The following IL19 variants were observed in gnomAD, a reference collection of about 807,000 sequenced individuals.
IL19 encodes the protein interleukin-19.
In IL19, 15 loss-of-function variants were observed where a neutral mutation model predicts 19.5. The ratio of observed to expected loss-of-function variants is 0.77; its 90% CI spans 0.52 to 1.19. The LOEUF (loss-of-function observed/expected upper bound fraction) is 1.19. Among genes scored for constraint, IL19 ranks in the 50% most tolerant of loss-of-function variants. The probability of loss-of-function intolerance (pLI) is 0.00; values close to 1 mark genes in which losing one functional copy is unlikely to be tolerated. For synonymous variants in IL19, 78 were observed against 78.3 expected (o/e 1.00, Z 0.02); for missense variants, 199 against 213.1 (o/e 0.93, Z 0.41).
At chr1:206,837,171 T>C (rs1676825474) in intron 4 of IL19, 148 bp downstream of exon 4, 7 of 655,026 alleles carry the variant, frequency 1.1e-5, no homozygotes. Flanking sequence ...AGATGATGTG[T>C]TAGGGCACGC....
chr1:206,799,776 G>A (rs1021020848), intron 2 of IL19, among the ~76,000 whole-genome samples: 4 of 152,184 alleles, frequency 2.6e-5, no homozygotes, highest in Non-Finnish European at 5.9e-5. Flanking sequence ...AGGTCAGGGT[G>A]GAAAACATCA....
chr1:206,840,075 C>CT (rs1676952384), intron 5 of IL19, 73 bp downstream of exon 5: 2 of 1,516,266 alleles, frequency 1.3e-6, no homozygotes, highest in Non-Finnish European at 1.8e-6. Flanking sequence ...TGCTGGCCCC[C>CT]ATCGGCCTCC....
chr1:206,780,046 C>T (rs1038626141), intron 1 of IL19, among the ~76,000 whole-genome samples: 3 of 145,458 alleles, frequency 2.1e-5, no homozygotes, highest in Admixed American at 6.7e-5. Flanking sequence ...TCCCTTCCTG[C>T]TCTCCTCCTG....
chr1:206,822,528 C>T (rs189038735), intron 2 of IL19, among the ~76,000 whole-genome samples: 41 of 152,294 alleles, frequency 2.7e-4, no homozygotes, highest in African/African-American at 6.3e-4. Flanking sequence ...CTTACAAGCT[C>T]GACAACCTTG....
At chr1:206,791,301 G>GTTTTTT (rs11297961) in intron 1 of IL19, among the ~76,000 whole-genome samples, 1 of 131,742 alleles carries the variant, frequency 7.6e-6, no homozygotes, top group African/African-American at 2.8e-5. Context: ...AGGTCCTTAG[G>GTTTTTT]TTTTTTTTTT....
intron 1 of IL19, among the ~76,000 whole-genome samples, chr1:206,789,697 T>A (rs1675348590): frequency 6.6e-6 from 1 of 152,150 alleles, no homozygotes; most frequent in African/African-American, 2.4e-5. Context: ...TTAAGCCTAG[T>A]ACCCATTAAT....
intron 2 of IL19, among the ~76,000 whole-genome samples, chr1:206,835,245 G>A (rs982340396): frequency 6.6e-6 from 1 of 152,202 alleles, no homozygotes; most frequent in Non-Finnish European, 1.5e-5. Context: ...AAGCACCCCA[G>A]TAGCGTTCTG....
chr1:206,783,486 T>A (rs538239678), intron 1 of IL19, among the ~76,000 whole-genome samples: 2 of 152,316 alleles, frequency 1.3e-5, no homozygotes, highest in South Asian at 4.1e-4. Context: ...AACCTTGAAT[T>A]CAGGTGCCTC....
chr1:206,806,778 C>T (rs12085203), intron 2 of IL19, among the ~76,000 whole-genome samples: 42,745 of 151,748 alleles, frequency 0.28, 6,693 homozygotes, highest in East Asian at 0.67. Context: ...ATATTTTATC[C>T]GGACCACTGT....
At chr1:206,819,580 TAA>T (rs35953153) in intron 2 of IL19, among the ~76,000 whole-genome samples, 3 of 145,250 alleles carry the variant, frequency 2.1e-5, no homozygotes, top group Non-Finnish European at 4.5e-5. Context: ...AGACTCCGTC[TAA>T]AAAAAAAAAA....
intron 1 of IL19, among the ~76,000 whole-genome samples, chr1:206,771,936 C>T (rs1674857669): frequency 6.6e-6 from 1 of 152,188 alleles, no homozygotes. Context: ...TGCTGCAAGG[C>T]ATGGGGAGCA....
Position 206,839,954 on chromosome 1 carries a change from C to A in IL19, c.315C>A (p.Ser105Arg). Residue 105 changes from serine to arginine, a missense_variant, in exon 5 of 7, where the codon AGC becomes AGA. Ser to Arg is a moderately radical substitution (Grantham distance 110). Coordinates refer to ENST00000659997, the MANE Select transcript of IL19 (RefSeq NM_153758.5). ...ACCCCAAAATCTTGAGAAAAATCAG[C>A]AGCATTGCCAACTCTTTCCTCTACA... is the stretch of plus-strand genomic sequence containing the variant. The part of the protein sequence containing the change: ...EPNPKILRKI[S>R]SIANSFLYMQ... 1 of 1,614,178 alleles carries A rather than the reference C, an allele frequency of 6.2e-7. No individual in the cohort carries two copies. The highest frequency in any genetic ancestry group is 8.5e-7 in the Non-Finnish European group (1 of 1,180,016).
chr1:206,807,231 G>A (rs1477561064), intron 2 of IL19, among the ~76,000 whole-genome samples: 1 of 152,226 alleles, frequency 6.6e-6, no homozygotes. Flanking sequence ...ATGACATGTG[G>A]GAATTATGGG....
In IL19 at chr1:206,822,933, CT is replaced by C. The variant is rs1051805832; in HGVS notation, c.-2-13718del. 7.5e-3 allele frequency among the ~76,000 whole-genome samples: 1,109 copies of C among 147,776 alleles called. 10 individuals are homozygous for C. The highest frequency in any genetic ancestry group is 0.017 in the Middle Eastern group (5 of 288). ...CTGCATGGATCCTTTCTTTTTCTTT[CT>C]TTTTTTTTTGTTTGAAATGAAGTCT... On this transcript the variant is annotated intron_variant, in intron 2 of 6. Transcript: ENST00000659997.
intron 2 of IL19, among the ~76,000 whole-genome samples, chr1:206,825,360 A>T (rs1676401981): frequency 6.6e-6 from 1 of 152,214 alleles, no homozygotes. Context: ...AAAATGATTG[A>T]ATTGCCTTTG....
intron 1 of IL19, among the ~76,000 whole-genome samples, chr1:206,782,021 A>T (rs1392206381): frequency 1.1e-4 from 5 of 46,078 alleles, no homozygotes; most frequent in African/African-American, 2.0e-4. Context: ...ATATGTATAT[A>T]GTTATATATA....
chr1:206,790,187 A>C (rs958603510), intron 1 of IL19, among the ~76,000 whole-genome samples: 1 of 152,160 alleles, frequency 6.6e-6, no homozygotes, highest in African/African-American at 2.4e-5. Context: ...CACCACTTCC[A>C]CACCGGCATC....
chr1:206,793,537 G>A (rs1675454037), intron 1 of IL19, among the ~76,000 whole-genome samples: 1 of 152,214 alleles, frequency 6.6e-6, no homozygotes, highest in African/African-American at 2.4e-5. Context: ...CCTCTGTCAA[G>A]GTGCTGCTCG....
At chr1:206,777,931 C>G (rs934735840) in intron 1 of IL19, among the ~76,000 whole-genome samples, 4 of 152,246 alleles carry the variant, frequency 2.6e-5, no homozygotes, top group African/African-American at 9.6e-5. Flanking sequence ...ACCCCAATGC[C>G]TATCACACAC....
Sources: gnomAD v4.1 joint callset for allele counts (sites outside exome capture counted in the v4.1 genomes callset) on GRCh38, gnomAD v4.1.1 for gene constraint, MANE v1.5 for transcripts, NCBI Gene and HGNC (gene_info 2026-07-23, HGNC 2026-07-21) for gene names.